Variants in PTPRE observed in about 807,000 individuals in gnomAD.
PTPRE encodes receptor-type tyrosine-protein phosphatase epsilon.
A neutral mutation model predicts 102.0 loss-of-function variants in PTPRE; 51 were observed. The observed-to-expected ratio is 0.50, with a 90% CI of 0.40 to 0.63. The LOEUF (loss-of-function observed/expected upper bound fraction) is 0.63. Among genes scored for constraint, PTPRE ranks in the 30% least tolerant of loss-of-function variants. The pLI is 0.00. For synonymous variants in PTPRE, 345 were observed against 348.2 expected (o/e 0.99, Z 0.10); for missense variants, 752 against 915.1 (o/e 0.82, Z 2.30).
At chr10:128,066,227 G>T (rs371774309) in intron 11 of PTPRE, 33 bp downstream of exon 11, 31 of 1,608,000 alleles carry the variant, frequency 1.9e-5, no homozygotes, top group Non-Finnish European at 2.6e-5. Flanking sequence ...CTTCCAGAAA[G>T]ATCATTTTCA....
At chr10:127,938,686 A>T (rs1440173776) in intron 1 of PTPRE, among the ~76,000 whole-genome samples, 1 of 152,134 alleles carries the variant, frequency 6.6e-6, no homozygotes, top group Non-Finnish European at 1.5e-5. Context: ...ATTACTTCTT[A>T]ATATATATAT....
At chr10:128,010,785 G>A (rs1387936108) in intron 2 of PTPRE, among the ~76,000 whole-genome samples, 3 of 152,038 alleles carry the variant, frequency 2.0e-5, no homozygotes, top group Non-Finnish European at 4.4e-5. Context: ...TCGAGATGGG[G>A]TTTCACCGTG....
chr10:128,042,586 G>C (rs184874019), intron 3 of PTPRE, among the ~76,000 whole-genome samples: 6 of 152,138 alleles, frequency 3.9e-5, no homozygotes, highest in African/African-American at 1.4e-4. Context: ...AGGCGCAGAC[G>C]GGCTCGTTTG....
chr10:127,946,832 G>A (rs967708836), intron 1 of PTPRE, among the ~76,000 whole-genome samples: 5 of 152,162 alleles, frequency 3.3e-5, no homozygotes, highest in African/African-American at 9.6e-5. Context: ...CCAGGAGTTC[G>A]AGACCAACCT....
intron 6 of PTPRE, among the ~76,000 whole-genome samples, chr10:128,052,987 G>A (rs958525768): frequency 1.3e-5 from 2 of 152,174 alleles, no homozygotes; most frequent in African/African-American, 4.8e-5. Context: ...GGTGGCTCAT[G>A]CCTGTACTCT....
intron 2 of PTPRE, among the ~76,000 whole-genome samples, chr10:128,029,542 G>A (rs1291611652): frequency 6.6e-6 from 1 of 152,240 alleles, no homozygotes; most frequent in Non-Finnish European, 1.5e-5. Context: ...GAGTCAGGAT[G>A]CCCAAACTGG....
intron 2 of PTPRE, among the ~76,000 whole-genome samples, chr10:128,012,998 G>A (rs184485997): frequency 7.9e-4 from 121 of 152,208 alleles, no homozygotes; most frequent in Admixed American, 1.8e-3. Flanking sequence ...ATTCATGAGC[G>A]CCGTAGTGCT....
chr10:127,963,671 A>AGT (rs149147211), intron 1 of PTPRE, among the ~76,000 whole-genome samples: 11,168 of 150,580 alleles, frequency 0.074, 1,334 homozygotes, highest in African/African-American at 0.25. Context: ...CCTGGGGTGG[A>AGT]GTGTGTGTGT....
intron 1 of PTPRE, among the ~76,000 whole-genome samples, chr10:127,924,201 G>A (rs1287240678): frequency 6.6e-6 from 1 of 152,182 alleles, no homozygotes; most frequent in Non-Finnish European, 1.5e-5. Flanking sequence ...AGCAGGGAGG[G>A]CAAGCGAAGG....
At chr10:128,071,172 T>C (rs1014736904) in intron 15 of PTPRE, 16 of 480,976 alleles carry the variant, frequency 3.3e-5, no homozygotes, top group Non-Finnish European at 5.6e-5. Flanking sequence ...CAGCCGAGGC[T>C]GATTTCAGGG....
chr10:128,055,561 C>G (rs1345050611), intron 6 of PTPRE, among the ~76,000 whole-genome samples: 1 of 152,004 alleles, frequency 6.6e-6, no homozygotes, highest in Admixed American at 6.6e-5. Flanking sequence ...AAGCACCCTC[C>G]CGGGAGTGCC....
chr10:127,984,240 T>A (rs1010128792), intron 2 of PTPRE, among the ~76,000 whole-genome samples: 1 of 151,708 alleles, frequency 6.6e-6, no homozygotes, highest in African/African-American at 2.4e-5. Flanking sequence ...CACCACCATG[T>A]CTGGCTAATT....
rs1380739453 is a variant in PTPRE, at chr10:127,907,936, A to G, written c.-31+627A>G. Among the ~76,000 whole-genome samples the G allele has an allele frequency of 1.3e-5, 2 of 152,134 alleles. No individual in the cohort carries two copies. The highest frequency in any genetic ancestry group is 6.5e-5 in the Admixed American group (1 of 15,288). ...TGGACTGCCGCGATTTGCAGGGTCG[A>G]CGACCTCACAGGGCTCCTGAGCACA... is the stretch of plus-strand genomic sequence containing the variant. On this transcript the variant is annotated intron_variant, in intron 1 of 20. Coordinates refer to ENST00000254667, the MANE Select transcript of PTPRE (RefSeq NM_006504.6). The surrounding 1 kb of genome is among the most constrained non-coding windows in gnomAD (Gnocchi z 4.8).
chr10:127,933,148 A>G lies in PTPRE; in HGVS notation c.-31+25839A>G, dbSNP rs189249785. Among the ~76,000 whole-genome samples the G allele has an allele frequency of 1.2e-3, 183 of 152,270 alleles. 1 individual carries two copies. The highest frequency in any genetic ancestry group is 3.1e-3 in the South Asian group (15 of 4,830). ...TTACAGTCAGCCGTTTAGCAAACAT[A>G]ATCCCATCTGCAAAGTCCCTTCACA... On this transcript the variant is annotated intron_variant, in intron 1 of 20. Coordinates refer to ENST00000254667, the MANE Select transcript of PTPRE (RefSeq NM_006504.6).
intron 2 of PTPRE, among the ~76,000 whole-genome samples, chr10:128,012,068 T>A (rs1312272244): frequency 6.6e-6 from 1 of 151,984 alleles, no homozygotes; most frequent in Non-Finnish European, 1.5e-5. Context: ...TGAGCCTGGG[T>A]GTGAACCCAG....
At chr10:128,067,345 CAT>C (rs1207861539) in intron 11 of PTPRE, among the ~76,000 whole-genome samples, 2 of 150,836 alleles carry the variant, frequency 1.3e-5, no homozygotes, top group African/African-American at 2.4e-5. Flanking sequence ...CATCCACACA[CAT>C]TCACACACGC....
chr10:127,950,294 C>T (rs118119943), intron 1 of PTPRE, among the ~76,000 whole-genome samples: 41 of 152,188 alleles, frequency 2.7e-4, no homozygotes, highest in Non-Finnish European at 4.4e-4. Flanking sequence ...AATGCTGCAG[C>T]GCAGGGAATT....
chr10:128,040,744 C>G, intron 2 of PTPRE, 131 bp from the exon 3 acceptor site: 1 of 655,788 alleles, frequency 1.5e-6, no homozygotes. Context: ...GTGAAAGTGA[C>G]AGGCAAAGTT....
intron 4 of PTPRE, 84 bp from the exon 5 acceptor site, chr10:128,047,680 C>T: frequency 6.2e-7 from 1 of 1,614,104 alleles, no homozygotes. Flanking sequence ...TCCCGGCTCA[C>T]CTGGTGGGTA....
Sources: allele counts gnomAD v4.1 joint callset (sites outside exome capture counted in the v4.1 genomes callset), GRCh38; gene constraint gnomAD v4.1.1; non-coding constraint Gnocchi (gnomAD v3.1); transcripts MANE v1.5; gene names NCBI Gene and HGNC (gene_info 2026-07-23, HGNC 2026-07-21).